PPOX: variants seen among roughly 807,000 people sequenced by gnomAD.
PPOX encodes the protein protoporphyrinogen oxidase.
In PPOX, 23 loss-of-function variants were observed where a neutral mutation model predicts 54.1. The observed-to-expected ratio is 0.43, with a 90% CI of 0.31 to 0.60. The LOEUF (loss-of-function observed/expected upper bound fraction) is 0.60, where lower values mean the gene tolerates loss of function less well. PPOX is among the 20% of genes least tolerant of loss of function. PPOX has a pLI of 0.13. For synonymous variants in PPOX, 224 were observed against 236.1 expected, an observed-to-expected ratio of 0.95 and a Z score of 0.47; for missense variants, 512 against 601.1, an observed-to-expected ratio of 0.85 and a Z score of 1.55.
At position 161,166,665 on chromosome 1, in the gene PPOX, T is replaced by A. The variant is rs1381156055; in HGVS notation, c.-16T>A. ...TCCCTCATTTTCTCTCATCCCTACC[T>A]ATTGTGGGTGAGTCCTGGCCCCTGG... On this transcript the variant is annotated 5_prime_UTR_variant, in exon 1 of 13. Coordinates refer to ENST00000367999, the MANE Select transcript of PPOX (RefSeq NM_001122764.3). The A allele has an allele frequency of 6.7e-7, 1 of 1,494,262 alleles. No individual in the cohort carries two copies. Among genetic ancestry groups the A allele is most frequent in the Non-Finnish European group, 8.9e-7 (1 of 1,125,346 alleles). 92.6% of individuals were successfully genotyped at this position (1,494,262 alleles called of 1,614,324 possible).
At position 161,166,507 on chromosome 1, in the gene PPOX, A is replaced by T. The variant is rs886045451; in HGVS notation, c.-174A>T. ...ACTTGTTGGCCTACAGAGGTGTGGC[A>T]AGCAGAGCACCTCAGAACTCAGGCG... On this transcript the variant is annotated 5_prime_UTR_variant, in exon 1 of 13. Transcript: ENST00000367999. 12 of 1,321,616 alleles carry T rather than the reference A, an allele frequency of 9.1e-6. No individual in the cohort carries two copies. Among genetic ancestry groups the T allele is most frequent in the Non-Finnish European group, 1.2e-5 (12 of 1,027,918 alleles). The allele number at this position is 1,321,616 out of a possible 1,614,324, so 81.9% of individuals were successfully genotyped here. A position where few individuals can be genotyped will look rare whatever the true frequency, so the allele number is the denominator to read the frequency against.
At chr1:161,167,552 C>G (rs879087116) in intron 4 of PPOX, 66 bp downstream of exon 4, 7 of 573,802 alleles carry the variant, frequency 1.2e-5, no homozygotes, top group Admixed American at 3.9e-5. Flanking sequence ...TTTCTTTCTT[C>G]TTTTCTTTTT....
chr1:161,166,427 G>A lies in PPOX; in HGVS notation c.-254G>A, dbSNP rs966681769. 1 of 1,140,454 alleles carries A rather than the reference G, an allele frequency of 8.8e-7. No individual in the cohort carries two copies. Among genetic ancestry groups the A allele is most frequent in the African/African-American group, 1.6e-5 (1 of 62,794 alleles). The allele number at this position is 1,140,454 out of a possible 1,614,324, so 70.6% of individuals were successfully genotyped here. ...AGGCGCGTGCCGCGAGAACAGAGTG[G>A]ACGGAGCGTAGGAGAGACCGAAAAG... On this transcript the variant is annotated 5_prime_UTR_variant, in exon 1 of 13. Coordinates refer to ENST00000367999, the MANE Select transcript of PPOX (RefSeq NM_001122764.3).
upstream of PPOX, chr1:161,166,155 G>A (rs1571313459): frequency 1.0e-6 from 1 of 984,522 alleles, no homozygotes; most frequent in East Asian, 1.1e-4. Context: ...CTCTAGGGTT[G>A]TCACCCTAGC....
At chr1:161,175,013 C>T, downstream of PPOX, 1 of 1,613,578 alleles carries the variant, frequency 6.2e-7, no homozygotes, top group East Asian at 2.2e-5. Context: ...ACATAGATGC[C>T]ATAAGCAAGC....
intron 4 of PPOX, chr1:161,176,341 A>C (rs965254869): frequency 5.6e-6 from 3 of 537,846 alleles, no homozygotes; most frequent in Non-Finnish European, 1.0e-5. Context: ...CCTCACCCCC[A>C]AAAATGTTTA....
chr1:161,166,267 G>C, upstream of PPOX: 2 of 999,434 alleles, frequency 2.0e-6, no homozygotes, highest in Non-Finnish European at 2.4e-6. Flanking sequence ...CTCACTCCCA[G>C]CTCGGCGCTA....
intron 7 of PPOX, 118 bp downstream of exon 7, chr1:161,169,301 T>G (rs1005716545): frequency 1.6e-6 from 2 of 1,232,090 alleles, no homozygotes; most frequent in African/African-American, 1.5e-5. Context: ...CCTTAGAAGC[T>G]ACTTAGACAT....
chr1:161,171,327 T>C, downstream of PPOX: 1 of 1,272,404 alleles, frequency 7.9e-7, no homozygotes. Context: ...CAAAGTCCTT[T>C]ATTAGAAAAT....
At chr1:161,168,248 C>A (rs1659827581) in intron 5 of PPOX, 121 bp downstream of exon 5, 1 of 1,552,024 alleles carries the variant, frequency 6.4e-7, no homozygotes, top group Non-Finnish European at 8.9e-7. Context: ...TCTCTTCATA[C>A]CCCACCCCCT....
At position 161,169,144 on chromosome 1, in the gene PPOX, G is replaced by T. The variant is rs745422821; in HGVS notation, c.768G>T (p.Pro256=). Residue 256 remains proline, a synonymous_variant, in exon 7 of 13, where the codon CCG becomes CCT. Transcript: ENST00000367999. ...GGGTCAGTGTTCTCAGAGGCCAGCC[G>T]GTCTGTGGGCTCAGCCTCCAGGCAG... ...SRGVSVLRGQ[P]VCGLSLQAEG... 3 of 1,614,018 alleles carry T rather than the reference G, an allele frequency of 1.9e-6. No homozygotes were observed. The African/African-American group carries it at 4.0e-5, about 22-fold the overall frequency.
rs1312079665 is a variant in PPOX at position 161,166,487 on chromosome 1, T to A, written c.-194T>A. The stretch of plus-strand genomic sequence containing the variant: ...GGGAGTAGCGGATTTGAAGCACTTG[T>A]TGGCCTACAGAGGTGTGGCAAGCAG... On this transcript the variant is annotated 5_prime_UTR_variant, in exon 1 of 13. It adds an upstream start codon to the 5' untranslated region. Coordinates refer to ENST00000367999, the MANE Select transcript of PPOX (RefSeq NM_001122764.3). The A allele has an allele frequency of 1.5e-5, 19 of 1,273,686 alleles. No individual in the cohort carries two copies. The highest frequency in any genetic ancestry group is 1.9e-5 in the Non-Finnish European group (19 of 998,942). The allele number at this position is 1,273,686 out of a possible 1,614,324, so 78.9% of individuals were successfully genotyped here.
In PPOX at chr1:161,167,983, T is replaced by G; in HGVS notation, c.339-12T>G. ...CAGGAGCTTCCCCCTCACTATGCCTTTCTCCATGCAGGGGGCTACTCCGCC... is the reference window on the plus strand; with the variant it reads ...CAGGAGCTTCCCCCTCACTATGCCTGTCTCCATGCAGGGGGCTACTCCGCC... On this transcript the variant is annotated splice_polypyrimidine_tract_variant and intron_variant, in intron 4 of 12. Coordinates refer to ENST00000367999, the MANE Select transcript of PPOX (RefSeq NM_001122764.3). 6.2e-7 allele frequency: 1 copy of G among 1,614,064 alleles called. No individual in the cohort carries two copies. Among genetic ancestry groups the G allele is most frequent in the South Asian group, 1.1e-5 (1 of 91,078 alleles).
chr1:161,169,973 G>A lies in PPOX; in HGVS notation c.936G>A (p.Val312=), dbSNP rs751511778. The change falls in exon 9 of 13, where the codon GTG becomes GTA. Residue 312 remains valine, a synonymous_variant. Coordinates refer to ENST00000367999, the MANE Select transcript of PPOX (RefSeq NM_001122764.3). ...LARALSAITA[V]SVAVVNLQYQ... ...GTGCCCTGAGTGCCATCACTGCAGT[G>A]TCTGTAGCTGTGGTGAATCTGCAGT... 4.9e-5 allele frequency: 79 copies of A among 1,614,034 alleles called. No homozygotes were observed. The Middle Eastern group carries it at 6.6e-4, about 13-fold the overall frequency.
At chr1:161,177,028 G>A (rs1663808467) in exon 5 of PPOX, 1 of 1,536,026 alleles carries the variant, frequency 6.5e-7, no homozygotes, top group Non-Finnish European at 8.7e-7. Context: ...GGAGCTCGGC[G>A]GAGAGTAGGG....
chr1:161,174,924 G>A, downstream of PPOX: 3 of 1,502,494 alleles, frequency 2.0e-6, no homozygotes, highest in Non-Finnish European at 2.8e-6. Context: ...TTAGATGAAA[G>A]TGAAGTGGCA....
At chr1:161,173,650 T>A, downstream of PPOX, 3 of 1,614,090 alleles carry the variant, frequency 1.9e-6, no homozygotes, top group Non-Finnish European at 2.5e-6. Flanking sequence ...CCAGTATTCA[T>A]TGGGGAAGCC....
chr1:161,167,809 C>G (rs935144204), intron 4 of PPOX, 186 bp from the exon 5 acceptor site: 14 of 938,414 alleles, frequency 1.5e-5, no homozygotes, highest in Middle Eastern at 6.8e-4. Flanking sequence ...GTGATCCGCC[C>G]GCCTCGGCCT....
At chr1:161,167,626 G>A in intron 4 of PPOX, 140 bp downstream of exon 4, 2 of 1,183,562 alleles carry the variant, frequency 1.7e-6, no homozygotes, top group East Asian at 2.7e-5. Flanking sequence ...GTGCAATGGC[G>A]CGATCTTGGC....
Sources: allele counts gnomAD v4.1 joint callset, GRCh38; gene constraint gnomAD v4.1.1; transcripts MANE v1.5; gene names NCBI Gene and HGNC (gene_info 2026-07-23, HGNC 2026-07-21).